Variants in EAF2 observed in about 807,000 individuals in gnomAD.
EAF2 encodes the protein ELL-associated factor 2.
A neutral mutation model predicts 29.4 loss-of-function variants in EAF2; 29 were observed. The observed-to-expected ratio is 0.99, with a 90% CI of 0.73 to 1.35. EAF2 has a LOEUF of 1.35. Among genes scored for constraint, EAF2 ranks in the 40% most tolerant of loss-of-function variants. The pLI is 0.00. For missense variants in EAF2, 292 were observed against 312.0 expected, an observed-to-expected ratio of 0.94 and a Z score of 0.48; for synonymous variants, 103 against 102.5, an observed-to-expected ratio of 1.00 and a Z score of -0.03.
intron 4 of EAF2, among the ~76,000 whole-genome samples, chr3:121,866,737 A>AT (rs1433515103): frequency 2.0e-5 from 3 of 152,038 alleles, no homozygotes; most frequent in South Asian, 2.1e-4. Context: ...AAAAATAAAA[A>AT]AAATAAAAAA....
chr3:121,878,834 ATGC>A (rs1161840166), intron 5 of EAF2, among the ~76,000 whole-genome samples: 1 of 152,128 alleles, frequency 6.6e-6, no homozygotes, highest in African/African-American at 2.4e-5. Context: ...CTTGTGAATA[ATGC>A]TGTAATAAAC....
chr3:121,847,259 G>A (rs1708545302), intron 2 of EAF2, among the ~76,000 whole-genome samples: 1 of 152,140 alleles, frequency 6.6e-6, no homozygotes, highest in African/African-American at 2.4e-5. Flanking sequence ...GATATACATA[G>A]AATATTAAAG....
Position 121,854,802 on chromosome 3 carries a change from A to C in EAF2, c.317A>C (p.Asn106Thr), listed in dbSNP as rs1001665292. The C allele has an allele frequency of 4.5e-6, 7 of 1,569,210 alleles. No individual in the cohort carries two copies. The highest frequency in any genetic ancestry group is 5.1e-6 in the Non-Finnish European group (6 of 1,168,504). Residue 106 changes from asparagine (N) to threonine (T), a missense_variant, in exon 3 of 6, where the codon AAC becomes ACC. Transcript: ENST00000273668. Reference sequence around the variant, plus strand: ...TGTCGGCTAGAAAAACTCAGCAGCAACATCACTGTAAAAAAAACAAGGTAT... The same window carrying C: ...TGTCGGCTAGAAAAACTCAGCAGCACCATCACTGTAAAAAAAACAAGGTAT... ...GECRLEKLSS[N>T]ITVKKTRVEG... is the part of the protein sequence containing the mutation.
intron 2 of EAF2, among the ~76,000 whole-genome samples, chr3:121,853,413 C>A (rs114328773): frequency 1.3e-5 from 2 of 152,004 alleles, no homozygotes; most frequent in African/African-American, 4.8e-5. Flanking sequence ...TCTTCTCCAC[C>A]CCTTTTTTAA....
At chr3:121,865,842 A>G (rs927570459) in intron 4 of EAF2, among the ~76,000 whole-genome samples, 1 of 151,750 alleles carries the variant, frequency 6.6e-6, no homozygotes, top group Non-Finnish European at 1.5e-5. Context: ...CATCAGAGAC[A>G]CTCTATGGCC....
chr3:121,873,680 G>T (rs774391094), intron 5 of EAF2, among the ~76,000 whole-genome samples: 1 of 151,516 alleles, frequency 6.6e-6, no homozygotes, highest in Non-Finnish European at 1.5e-5. Context: ...TAACATAATC[G>T]TCTTGATTTT....
intron 1 of EAF2, among the ~76,000 whole-genome samples, chr3:121,844,148 C>T (rs1708480873): frequency 6.6e-6 from 1 of 151,910 alleles, no homozygotes. Flanking sequence ...AAAACACTGA[C>T]ATTATTTAGT....
intron 4 of EAF2, among the ~76,000 whole-genome samples, chr3:121,861,771 G>A (rs1708837611): frequency 6.6e-6 from 1 of 152,158 alleles, no homozygotes; most frequent in Admixed American, 6.5e-5. Flanking sequence ...AGCATCAATG[G>A]TCTTTACAAT....
At chr3:121,880,017 G>A (rs1709166435) in intron 5 of EAF2, among the ~76,000 whole-genome samples, 1 of 151,936 alleles carries the variant, frequency 6.6e-6, no homozygotes, top group Non-Finnish European at 1.5e-5. Context: ...CTTTGAACAT[G>A]GCATGTCTTT....
chr3:121,854,647 A>C, intron 2 of EAF2, 40 bp from the exon 3 acceptor site: 1 of 1,448,916 alleles, frequency 6.9e-7, no homozygotes, highest in Non-Finnish European at 9.1e-7. Flanking sequence ...GTGAATTCCT[A>C]TGATAAATTT....
chr3:121,844,670 A>C (rs915926128), intron 2 of EAF2, 123 bp downstream of exon 2: 1 of 549,680 alleles, frequency 1.8e-6, no homozygotes, highest in Non-Finnish European at 3.0e-6. Context: ...ACAGATAAGC[A>C]AAAACCATAT....
chr3:121,861,809 C>T (rs1367197702), intron 4 of EAF2, among the ~76,000 whole-genome samples: 6 of 152,074 alleles, frequency 3.9e-5, no homozygotes, highest in South Asian at 2.1e-4. Flanking sequence ...TGGCTGGTAC[C>T]GGCTGTTCCT....
intron 1 of EAF2, among the ~76,000 whole-genome samples, chr3:121,842,571 A>G (rs1195457498): frequency 6.6e-6 from 1 of 152,106 alleles, no homozygotes; most frequent in Non-Finnish European, 1.5e-5. Flanking sequence ...ACTTTTCAGG[A>G]TTGGTGTGAA....
At chr3:121,856,888 A>G (rs1447107397) in intron 3 of EAF2, 123 bp from the exon 4 acceptor site, 3 of 767,802 alleles carry the variant, frequency 3.9e-6, no homozygotes, top group Non-Finnish European at 4.1e-6. Flanking sequence ...TGTTTTAATT[A>G]TGGAATATTA....
chr3:121,871,340 C>A (rs570705420), intron 4 of EAF2, among the ~76,000 whole-genome samples: 1 of 151,742 alleles, frequency 6.6e-6, no homozygotes, highest in African/African-American at 2.4e-5. Context: ...AGACAAAAAT[C>A]TTTGGTAATA....
intron 5 of EAF2, among the ~76,000 whole-genome samples, chr3:121,880,433 G>C (rs1431686188): frequency 1.3e-5 from 2 of 149,144 alleles, no homozygotes; most frequent in Non-Finnish European, 3.0e-5. Flanking sequence ...ATGAGTCACT[G>C]TCCTGGACCT....
rs760559147 is a variant in EAF2 at position 121,872,593 on chromosome 3, G to A, written c.541G>A (p.Asp181Asn). 6.2e-7 allele frequency: 1 copy of A among 1,612,794 alleles called. No homozygotes were observed. The highest frequency in any genetic ancestry group is 2.2e-5 in the East Asian group (1 of 44,788). ...GATGAGTAGTTGTGATAGTTCATCA[G>A]ATTCCAAAAGTTCATCATCTTCAAG... is the stretch of plus-strand genomic sequence containing the variant. Reference protein sequence around the residue: ...DQMSSCDSSSDSKSSSSSSSE... With the variant: ...DQMSSCDSSSNSKSSSSSSSE... Residue 181 changes from aspartate to asparagine, a missense_variant, in exon 5 of 6, where the codon GAT becomes AAT. Transcript: ENST00000273668.
chr3:121,880,876 T>C (rs972423629), intron 5 of EAF2, among the ~76,000 whole-genome samples: 4 of 152,148 alleles, frequency 2.6e-5, no homozygotes, highest in African/African-American at 4.8e-5. Flanking sequence ...TTATATGGCC[T>C]TTATTATGTC....
chr3:121,855,862 G>A (rs753770265), intron 3 of EAF2, among the ~76,000 whole-genome samples: 4 of 152,084 alleles, frequency 2.6e-5, no homozygotes, highest in Non-Finnish European at 4.4e-5. Flanking sequence ...GCTGGTAGTC[G>A]TTACATATTA....
Sources: gnomAD v4.1 joint callset for allele counts (sites outside exome capture counted in the v4.1 genomes callset) on GRCh38, gnomAD v4.1.1 for gene constraint, MANE v1.5 for transcripts, NCBI Gene and HGNC (gene_info 2026-07-23, HGNC 2026-07-21) for gene names.